The following AGBL4 variants were observed in gnomAD, a reference collection of about 807,000 sequenced individuals.
AGBL4 encodes cytosolic carboxypeptidase 6.
AGBL4 carries 58 observed loss-of-function variants against 66.4 expected under a neutral mutation model. The ratio of observed to expected loss-of-function variants is 0.87; its 90% CI spans 0.71 to 1.09. The LOEUF (loss-of-function observed/expected upper bound fraction) is 1.09, where lower values mean the gene tolerates loss of function less well. Ranked by LOEUF, AGBL4 falls within the 50% of genes least tolerant of loss-of-function variation. The pLI, the probability that AGBL4 is intolerant of heterozygous loss-of-function variation, is 0.00. For missense variants in AGBL4, 579 were observed against 631.0 expected, an observed-to-expected ratio of 0.92 and a Z score of 0.88; for synonymous variants, 234 against 222.9, an observed-to-expected ratio of 1.05 and a Z score of -0.44.
At chr1:48,796,217 T>G (rs748335583) in intron 6 of AGBL4, among the ~76,000 whole-genome samples, 1 of 152,226 alleles carries the variant, frequency 6.6e-6, no homozygotes, top group Non-Finnish European at 1.5e-5. Context: ...ACCCTACACT[T>G]GGTTAGGATG....
intron 2 of AGBL4, among the ~76,000 whole-genome samples, chr1:49,725,753 T>G (rs1241289264): frequency 6.7e-6 from 1 of 150,276 alleles, no homozygotes; most frequent in African/African-American, 2.5e-5. Context: ...GGCGCGATCT[T>G]GGCTCACTGC....
chr1:49,912,332 T>C lies in AGBL4; in HGVS notation c.35-60814A>G, dbSNP rs558376907. Reference sequence around the variant, plus strand: ...GTCCCTTCCACTGCAGTTGGGGAGCTATCCCATCTGTGATCTGATGGTTAC... The same window carrying C: ...GTCCCTTCCACTGCAGTTGGGGAGCCATCCCATCTGTGATCTGATGGTTAC... On this transcript the variant is annotated intron_variant, in intron 1 of 13. Transcript: ENST00000371839. Among the ~76,000 whole-genome samples the C allele has an allele frequency of 4.6e-5, 7 of 152,348 alleles. No homozygotes were observed. In the South Asian group the frequency reaches 1.4e-3, roughly 32 times the overall value.
Position 48,702,450 on chromosome 1 carries a change from C to T in AGBL4, c.635-39209G>A, listed in dbSNP as rs149907836. On this transcript the variant is annotated intron_variant, in intron 6 of 13. Transcript: ENST00000371839. ...GGGATTACAGGTGCCCACAACTACG[C>T]CTAGCTAATTTTTATATTTTTAGTA... is the stretch of plus-strand genomic sequence containing the variant. 5.3e-4 allele frequency among the ~76,000 whole-genome samples: 80 copies of T among 152,194 alleles called. 2 individuals carry two copies. The highest frequency in any genetic ancestry group is 1.9e-3 in the African/African-American group (78 of 41,512).
At chr1:48,776,837 G>C in intron 6 of AGBL4, 1 of 1,497,026 alleles carries the variant, frequency 6.7e-7, no homozygotes, top group Non-Finnish European at 8.9e-7. Flanking sequence ...TACATGGTGG[G>C]CGCCGGGGGC....
intron 6 of AGBL4, among the ~76,000 whole-genome samples, chr1:48,806,897 T>G (rs1645936859): frequency 6.6e-6 from 1 of 151,604 alleles, no homozygotes; most frequent in Non-Finnish European, 1.5e-5. Context: ...CAACCAACAT[T>G]ACACCTGCCT....
In AGBL4 at chr1:49,103,062, T is replaced by C. The variant is rs1159405710; in HGVS notation, c.378-57262A>G. Among the ~76,000 whole-genome samples the C allele has an allele frequency of 4.6e-5, 7 of 152,182 alleles. No homozygotes were observed. The East Asian group carries it at 1.3e-3, about 29-fold the overall frequency. ...ATTTCTACATAGCTCAGCTTAAGAA[T>C]GCATAAACCACTTCCCTGGTACAGA... is the stretch of plus-strand genomic sequence containing the variant. On this transcript the variant is annotated intron_variant, in intron 4 of 13. Coordinates refer to ENST00000371839, the MANE Select transcript of AGBL4 (RefSeq NM_032785.4).
intron 3 of AGBL4, among the ~76,000 whole-genome samples, chr1:49,320,462 T>C (rs1203084785): frequency 6.6e-6 from 1 of 152,008 alleles, no homozygotes; most frequent in Non-Finnish European, 1.5e-5. Flanking sequence ...GAAAATGACT[T>C]TTACATCTAA....
At chr1:48,923,510 G>A (rs1424160366) in intron 5 of AGBL4, among the ~76,000 whole-genome samples, 1 of 152,212 alleles carries the variant, frequency 6.6e-6, no homozygotes, top group East Asian at 1.9e-4. Context: ...GCACAGCACT[G>A]TAAAAGTAAT....
At chr1:49,556,667 G>A (rs1643906067) in intron 3 of AGBL4, among the ~76,000 whole-genome samples, 1 of 152,066 alleles carries the variant, frequency 6.6e-6, no homozygotes, top group African/African-American at 2.4e-5. Flanking sequence ...CCGCGCAGGG[G>A]CCGCAGGCGG....
At chr1:48,675,618 A>G (rs1646353243) in intron 6 of AGBL4, among the ~76,000 whole-genome samples, 1 of 152,098 alleles carries the variant, frequency 6.6e-6, no homozygotes, top group Non-Finnish European at 1.5e-5. Flanking sequence ...CTTAACACCA[A>G]CTCTCCTGTA....
chr1:49,564,879 G>A (rs1186740307), intron 3 of AGBL4, among the ~76,000 whole-genome samples: 1 of 152,126 alleles, frequency 6.6e-6, no homozygotes, highest in Non-Finnish European at 1.5e-5. Flanking sequence ...TTTCTGTCTT[G>A]TTGATCTGTC....
At chr1:49,577,680 C>T (rs560952769) in intron 3 of AGBL4, among the ~76,000 whole-genome samples, 12 of 152,316 alleles carry the variant, frequency 7.9e-5, no homozygotes, top group Admixed American at 3.3e-4. Context: ...CTGAGCAAGG[C>T]GCTCACTTTA....
intron 5 of AGBL4, among the ~76,000 whole-genome samples, chr1:48,968,780 T>C (rs1014034655): frequency 2.0e-5 from 3 of 152,142 alleles, no homozygotes; most frequent in African/African-American, 7.2e-5. Flanking sequence ...TGCATTGTTT[T>C]TCATAAGCTT....
intron 3 of AGBL4, among the ~76,000 whole-genome samples, chr1:49,284,554 T>G (rs1189304045): frequency 2.0e-4 from 30 of 152,176 alleles, no homozygotes; most frequent in South Asian, 2.1e-4. Context: ...GACTAAATGC[T>G]CCAATTAAAA....
At chr1:49,791,537 T>C (rs1212754569) in intron 2 of AGBL4, among the ~76,000 whole-genome samples, 1 of 152,092 alleles carries the variant, frequency 6.6e-6, no homozygotes, top group Non-Finnish European at 1.5e-5. Context: ...AACCCTTTAC[T>C]ATGGTCTATG....
intron 6 of AGBL4, among the ~76,000 whole-genome samples, chr1:48,684,991 A>G (rs139150714): frequency 2.0e-5 from 3 of 152,274 alleles, no homozygotes; most frequent in Non-Finnish European, 4.4e-5. Context: ...CTGAAGGCAA[A>G]TGACTCCTGA....
intron 3 of AGBL4, among the ~76,000 whole-genome samples, chr1:49,528,293 C>T (rs886328166): frequency 2.6e-5 from 4 of 151,954 alleles, no homozygotes; most frequent in African/African-American, 7.2e-5. Flanking sequence ...GAGACACTTA[C>T]GTATCTTATT....
chr1:49,623,284 C>A (rs1397809469), intron 3 of AGBL4, among the ~76,000 whole-genome samples: 1 of 152,068 alleles, frequency 6.6e-6, no homozygotes, highest in Non-Finnish European at 1.5e-5. Context: ...GTTTTCATTA[C>A]CATGTTGGAA....
At chr1:48,639,228 T>G (rs1438913203) in intron 8 of AGBL4, among the ~76,000 whole-genome samples, 1 of 152,222 alleles carries the variant, frequency 6.6e-6, no homozygotes, top group African/African-American at 2.4e-5. Flanking sequence ...GTGATATTCT[T>G]CAGTGAGTAG....
Sources: allele counts gnomAD v4.1 joint callset (sites outside exome capture counted in the v4.1 genomes callset), GRCh38; gene constraint gnomAD v4.1.1; transcripts MANE v1.5; gene names NCBI Gene and HGNC (gene_info 2026-07-23, HGNC 2026-07-21).